The following BIRC6 variants were observed in gnomAD, a reference collection of about 807,000 sequenced individuals.
BIRC6 encodes the protein dual E2 ubiquitin-conjugating enzyme/E3 ubiquitin-protein ligase BIRC6.
Under a neutral mutation model 503.3 loss-of-function variants are expected in BIRC6, and 98 were observed. The ratio of observed to expected loss-of-function variants is 0.19; its 90% CI spans 0.17 to 0.23. The LOEUF (loss-of-function observed/expected upper bound fraction) is 0.23. Among genes scored for constraint, BIRC6 ranks in the 10% least tolerant of loss-of-function variants. The probability of loss-of-function intolerance (pLI) is 1.00; values close to 1 mark genes in which losing one functional copy is unlikely to be tolerated. For missense variants in BIRC6, 5,360 were observed against 5,806.0 expected (o/e 0.92, Z 2.50); for synonymous variants, 2,240 against 2,078.7 (o/e 1.08, Z -2.11).
At position 32,518,370 on chromosome 2, in the gene BIRC6, G is replaced by C. The variant is rs755156162; in HGVS notation, c.11466G>C (p.Val3822=). 9 of 1,609,298 alleles carry C rather than the reference G, an allele frequency of 5.6e-6. No homozygotes were observed. The highest frequency in any genetic ancestry group is 7.6e-6 in the Non-Finnish European group (9 of 1,178,796). Residue 3822 remains valine (V), a synonymous_variant, in exon 56 of 74, where the codon GTG becomes GTC. Transcript: ENST00000421745. ...FLQLMLEDEK[V]TMFLQSPCPL... ...AGTTGATGCTGGAAGATGAGAAAGT[G>C]ACAATGTTTCTTCAGTCTCCATGTC...
At chr2:32,573,106 G>A (rs374669376) in intron 65 of BIRC6, among the ~76,000 whole-genome samples, 2 of 152,092 alleles carry the variant, frequency 1.3e-5, no homozygotes, top group African/African-American at 2.4e-5. Flanking sequence ...CATGTCCTTC[G>A]CCTAGAATGT....
At chr2:32,551,390 C>A (rs938285254) in intron 65 of BIRC6, among the ~76,000 whole-genome samples, 2 of 152,120 alleles carry the variant, frequency 1.3e-5, no homozygotes, top group African/African-American at 4.8e-5. Context: ...TCAAGCAATT[C>A]TCCTGCCTCA....
chr2:32,407,244 G>A (rs2041322997), intron 9 of BIRC6, among the ~76,000 whole-genome samples: 1 of 151,986 alleles, frequency 6.6e-6, no homozygotes, highest in Admixed American at 6.6e-5. Flanking sequence ...TCAGGAGTTC[G>A]AGACCAGCCT....
chr2:32,521,365 CAAAAAAAAAAA>C (rs35410265), intron 57 of BIRC6, among the ~76,000 whole-genome samples: 1,109 of 21,556 alleles, frequency 0.051, 23 homozygotes, highest in African/African-American at 0.16. Context: ...GACCTCATCT[CAAAAAAAAAAA>C]AAAAAAAAAA....
intron 46 of BIRC6, among the ~76,000 whole-genome samples, chr2:32,501,385 G>A (rs1255665560): frequency 6.6e-6 from 1 of 152,104 alleles, no homozygotes; most frequent in Admixed American, 6.5e-5. Flanking sequence ...TGATATAGAG[G>A]TATTGTCATG....
intron 66 of BIRC6, among the ~76,000 whole-genome samples, chr2:32,578,395 G>C (rs1286156307): frequency 6.6e-6 from 1 of 152,098 alleles, no homozygotes; most frequent in Non-Finnish European, 1.5e-5. Context: ...AAAAATCCTA[G>C]AATACTCTGA....
intron 1 of BIRC6, among the ~76,000 whole-genome samples, chr2:32,375,707 G>A (rs1218555959): frequency 6.6e-6 from 1 of 150,624 alleles, no homozygotes; most frequent in Non-Finnish European, 1.5e-5. Flanking sequence ...ATTGATAAGT[G>A]CAATATAGTG....
chr2:32,386,029 A>G (rs775818933), intron 3 of BIRC6, among the ~76,000 whole-genome samples: 19 of 152,126 alleles, frequency 1.2e-4, no homozygotes, highest in Non-Finnish European at 2.4e-4. Context: ...TCAGGCATTT[A>G]ATTTCCTTGC....
intron 66 of BIRC6, among the ~76,000 whole-genome samples, chr2:32,582,338 A>G (rs2060729584): frequency 6.6e-6 from 1 of 152,058 alleles, no homozygotes; most frequent in Non-Finnish European, 1.5e-5. Flanking sequence ...ATGGTAAGTA[A>G]AACCCTGATA....
At position 32,422,734 on chromosome 2, in the gene BIRC6, C is replaced by T. The variant is rs565165008; in HGVS notation, c.2873-6412C>T. Among the ~76,000 whole-genome samples, 54 of 152,232 alleles carry T rather than the reference C, an allele frequency of 3.5e-4. 1 individual carries two copies. The South Asian group carries it at 5.0e-3, about 14-fold the overall frequency. ...AACTAGTTTTGGGGGACTTGATTTT[C>T]CTCTCTTACTATGTTTTAAGATTAC... On this transcript the variant is annotated intron_variant, in intron 10 of 73. Coordinates refer to ENST00000421745, the MANE Select transcript of BIRC6 (RefSeq NM_016252.4).
intron 71 of BIRC6, among the ~76,000 whole-genome samples, chr2:32,604,196 A>G (rs2062269962): frequency 6.6e-6 from 1 of 152,224 alleles, no homozygotes; most frequent in Admixed American, 6.5e-5. Flanking sequence ...ATGAAAATAT[A>G]GGTTCTAAAT....
chr2:32,566,094 G>A (rs1185300363), intron 65 of BIRC6: 1 of 151,828 alleles, frequency 6.6e-6, no homozygotes, highest in African/African-American at 2.4e-5. Flanking sequence ...TAACATTTAT[G>A]GGTTATGTTT....
intron 24 of BIRC6, among the ~76,000 whole-genome samples, chr2:32,463,585 A>G (rs1206870539): frequency 2.0e-5 from 3 of 152,204 alleles, no homozygotes; most frequent in East Asian, 3.8e-4. Flanking sequence ...TACATATTTG[A>G]GGGAATATGA....
chr2:32,607,346 A>C, intron 71 of BIRC6, 109 bp from the exon 72 acceptor site: 1 of 724,616 alleles, frequency 1.4e-6, no homozygotes, highest in Non-Finnish European at 2.1e-6. Flanking sequence ...TTGTGATAGA[A>C]ATTTGTGGAA....
In BIRC6 at chr2:32,512,948, A is replaced by G. The variant is rs372337789; in HGVS notation, c.10362A>G (p.Leu3454=). 3.1e-6 allele frequency: 5 copies of G among 1,613,794 alleles called. No homozygotes were observed. Among genetic ancestry groups the G allele is most frequent in the Non-Finnish European group, 4.2e-6 (5 of 1,179,854 alleles). ...TTCGTTTAAGAATTCAGGCCTTGTT[A>G]AAATGGGTTAGTGATTCTGCAAGAG... The part of the protein sequence containing the change: ...PGTKDRIQAL[L]KWVSDSARVA... The change falls in exon 54 of 74, where the codon TTA becomes TTG. Residue 3454 remains leucine (L), a synonymous_variant. Coordinates refer to ENST00000421745, the MANE Select transcript of BIRC6 (RefSeq NM_016252.4).
At chr2:32,365,349 T>G (rs1201186002) in intron 1 of BIRC6, among the ~76,000 whole-genome samples, 3 of 141,378 alleles carry the variant, frequency 2.1e-5, no homozygotes, top group Non-Finnish European at 3.0e-5. Flanking sequence ...TTTTGAGAGG[T>G]CGCCCTGTCG....
chr2:32,369,670 C>T (rs547979673), intron 1 of BIRC6, among the ~76,000 whole-genome samples: 15 of 151,710 alleles, frequency 9.9e-5, no homozygotes, highest in South Asian at 4.2e-4. Context: ...TCAAGTGATC[C>T]GCCCACCTCA....
rs533387345 is a variant in BIRC6, at chr2:32,493,534, C to T, written c.8341-6C>T. ...CAGTTTTCAGTGAATATACATTTCTCTTTAGGTTGGTCCTACAGCTACACA... is the reference window on the plus strand; with the variant it reads ...CAGTTTTCAGTGAATATACATTTCTTTTTAGGTTGGTCCTACAGCTACACA... On this transcript the variant is annotated splice_polypyrimidine_tract_variant and splice_region_variant and intron_variant, in intron 44 of 73. Transcript: ENST00000421745. 4.4e-6 allele frequency: 7 copies of T among 1,599,114 alleles called. No homozygotes were observed. The African/African-American group carries it at 6.7e-5, about 15-fold the overall frequency.
intron 10 of BIRC6, among the ~76,000 whole-genome samples, chr2:32,425,354 C>G (rs544237332): frequency 1.3e-3 from 190 of 151,260 alleles, no homozygotes; most frequent in Non-Finnish European, 2.4e-3. Flanking sequence ...AGCTAATTGG[C>G]TATATAAAGA....
Sources: gnomAD v4.1 joint callset for allele counts (sites outside exome capture counted in the v4.1 genomes callset) on GRCh38, gnomAD v4.1.1 for gene constraint, MANE v1.5 for transcripts, NCBI Gene and HGNC (gene_info 2026-07-23, HGNC 2026-07-21) for gene names.